Variants in CDKAL1 observed in about 807,000 individuals in gnomAD.
CDKAL1 encodes the protein threonylcarbamoyladenosine tRNA methylthiotransferase.
CDKAL1 carries 32 observed loss-of-function variants against 68.2 expected under a neutral mutation model. The ratio of observed to expected loss-of-function variants is 0.47; its 90% confidence interval spans 0.35 to 0.63. The LOEUF (loss-of-function observed/expected upper bound fraction) is 0.63, where lower values mean the gene tolerates loss of function less well. CDKAL1 is among the 30% of genes least tolerant of loss of function. The pLI, the probability that CDKAL1 is intolerant of heterozygous loss-of-function variation, is 0.00. For missense variants in CDKAL1, 606 were observed against 696.7 expected (o/e 0.87, Z 1.47); for synonymous variants, 234 against 244.3 (o/e 0.96, Z 0.39).
intron 8 of CDKAL1, among the ~76,000 whole-genome samples, chr6:20,834,296 T>C (rs1398775654): frequency 6.6e-6 from 1 of 152,194 alleles, no homozygotes; most frequent in Non-Finnish European, 1.5e-5. Flanking sequence ...CCCTTGCCTT[T>C]AGGCTACATC....
intron 4 of CDKAL1, among the ~76,000 whole-genome samples, chr6:20,646,905 G>A (rs541335863): frequency 2.0e-5 from 3 of 152,106 alleles, no homozygotes; most frequent in Admixed American, 6.5e-5. Context: ...CCCCACGCCC[G>A]GCTAATTTTT....
At chr6:20,770,999 C>G (rs184547621) in intron 7 of CDKAL1, among the ~76,000 whole-genome samples, 2 of 152,262 alleles carry the variant, frequency 1.3e-5, no homozygotes, top group Non-Finnish European at 1.5e-5. Context: ...TCATCTCTGA[C>G]ACATCCTTCC....
intron 15 of CDKAL1, among the ~76,000 whole-genome samples, 172 bp from the exon 16 acceptor site, chr6:21,230,676 C>T (rs1779931181): frequency 6.6e-6 from 1 of 151,882 alleles, no homozygotes; most frequent in African/African-American, 2.4e-5. Flanking sequence ...AAGGAACTGA[C>T]TCATTCATAC....
At chr6:20,784,922 T>A (rs1427428540) in intron 8 of CDKAL1, among the ~76,000 whole-genome samples, 1 of 152,166 alleles carries the variant, frequency 6.6e-6, no homozygotes, top group Non-Finnish European at 1.5e-5. Flanking sequence ...TTTTAAAAAT[T>A]TGCTTTAGGT....
chr6:20,539,516 A>G lies in CDKAL1; in HGVS notation c.-6+4122A>G, dbSNP rs1052526935. Among the ~76,000 whole-genome samples the G allele has an allele frequency of 2.0e-5, 3 of 152,184 alleles. No individual in the cohort carries two copies. The highest frequency in any genetic ancestry group is 4.8e-5 in the African/African-American group (2 of 41,446). On this transcript the variant is annotated intron_variant, in intron 2 of 15. Coordinates refer to ENST00000274695, the MANE Select transcript of CDKAL1 (RefSeq NM_017774.3). The surrounding 1 kb of genome is among the most constrained non-coding windows in gnomAD (Gnocchi z 4.3). ...GGTGAGGTGGGGGTGTTGGTTGGAA[A>G]GTCCTCTCTTGTTACACTTGAGCAA... is the stretch of plus-strand genomic sequence containing the variant.
At chr6:21,130,332 A>C (rs913436698) in intron 13 of CDKAL1, among the ~76,000 whole-genome samples, 24 of 147,040 alleles carry the variant, frequency 1.6e-4, no homozygotes, top group Non-Finnish European at 5.9e-5. Context: ...TCGAGCGATT[A>C]TCCTGCCTCA....
intron 5 of CDKAL1, among the ~76,000 whole-genome samples, chr6:20,679,287 T>G (rs1770266350): frequency 6.6e-6 from 1 of 152,248 alleles, no homozygotes; most frequent in African/African-American, 2.4e-5. Flanking sequence ...TCCTGACTTT[T>G]GCCAACCAAA....
At chr6:20,920,431 C>T (rs1223827765) in intron 9 of CDKAL1, among the ~76,000 whole-genome samples, 2 of 152,174 alleles carry the variant, frequency 1.3e-5, no homozygotes, top group Non-Finnish European at 2.9e-5. Flanking sequence ...TAATCAGACT[C>T]ATGCTTGACT....
At chr6:20,834,023 C>A (rs1171924238) in intron 8 of CDKAL1, among the ~76,000 whole-genome samples, 1 of 152,184 alleles carries the variant, frequency 6.6e-6, no homozygotes, top group Non-Finnish European at 1.5e-5. Flanking sequence ...ACTCCCAGAG[C>A]ATCTGATGCG....
intron 10 of CDKAL1, among the ~76,000 whole-genome samples, chr6:20,980,591 A>G (rs1284030566): frequency 6.6e-6 from 1 of 152,194 alleles, no homozygotes; most frequent in African/African-American, 2.4e-5. Context: ...ACTAGTATAC[A>G]TTTCACCAAA....
At chr6:21,125,064 C>T (rs184281389) in intron 13 of CDKAL1, among the ~76,000 whole-genome samples, 4 of 152,134 alleles carry the variant, frequency 2.6e-5, no homozygotes, top group Admixed American at 2.6e-4. Context: ...TTCATCTTTC[C>T]CAATATGATA....
At chr6:21,078,463 T>G (rs1772197673) in intron 12 of CDKAL1, among the ~76,000 whole-genome samples, 1 of 152,198 alleles carries the variant, frequency 6.6e-6, no homozygotes, top group African/African-American at 2.4e-5. Flanking sequence ...CTTTAATGTA[T>G]TTCATTCTCA....
chr6:20,884,756 C>T (rs916576526), intron 9 of CDKAL1, among the ~76,000 whole-genome samples: 4 of 152,064 alleles, frequency 2.6e-5, no homozygotes, highest in African/African-American at 7.2e-5. Flanking sequence ...AAAGTGATTC[C>T]GTTTACAATA....
intron 10 of CDKAL1, among the ~76,000 whole-genome samples, chr6:20,992,073 G>A (rs1325904844): frequency 1.6e-5 from 2 of 127,326 alleles, no homozygotes; most frequent in African/African-American, 3.0e-5. Flanking sequence ...TATCACCCAG[G>A]CTGGAATGCA....
At chr6:20,551,535 T>A (rs1049768183) in intron 4 of CDKAL1, among the ~76,000 whole-genome samples, 2 of 151,234 alleles carry the variant, frequency 1.3e-5, no homozygotes, top group African/African-American at 4.9e-5. Context: ...GCCTGGCTAA[T>A]TTTTTTGTAT....
chr6:20,826,468 A>G (rs554133703), intron 8 of CDKAL1, among the ~76,000 whole-genome samples: 2 of 152,152 alleles, frequency 1.3e-5, no homozygotes, highest in African/African-American at 4.8e-5. Context: ...CAAGTTTAGA[A>G]CTCATCATGT....
chr6:20,619,252 A>G (rs1437386924), intron 4 of CDKAL1, among the ~76,000 whole-genome samples: 1 of 152,220 alleles, frequency 6.6e-6, no homozygotes, highest in Non-Finnish European at 1.5e-5. Context: ...CTTTTGAAAA[A>G]TAGAAAGCCA....
intron 5 of CDKAL1, among the ~76,000 whole-genome samples, chr6:20,681,312 C>T (rs1770365090): frequency 6.6e-6 from 1 of 152,248 alleles, no homozygotes; most frequent in Admixed American, 6.5e-5. Flanking sequence ...TTTGGGAGAT[C>T]TGGTTCTTTC....
chr6:20,623,808 T>A (rs2127735333), intron 4 of CDKAL1, among the ~76,000 whole-genome samples: 1 of 152,212 alleles, frequency 6.6e-6, no homozygotes, highest in African/African-American at 2.4e-5. Context: ...GACTGTTAAG[T>A]TCAAATCAGT....
Sources: gnomAD v4.1 joint callset for allele counts (sites outside exome capture counted in the v4.1 genomes callset) on GRCh38, gnomAD v4.1.1 for gene constraint, Gnocchi (gnomAD v3.1) non-coding constraint, MANE v1.5 for transcripts, NCBI Gene and HGNC (gene_info 2026-07-23, HGNC 2026-07-21) for gene names.